The following FAM135B variants were observed in gnomAD, a reference collection of about 807,000 sequenced individuals.
FAM135B encodes the protein family with sequence similarity 135 member B.
FAM135B carries 43 observed loss-of-function variants against 127.7 expected under a neutral mutation model. The observed-to-expected ratio is 0.34, with a 90% CI of 0.26 to 0.43. FAM135B has a LOEUF of 0.43. FAM135B is among the 20% of genes least tolerant of loss of function. FAM135B has a pLI of 1.00. For synonymous variants in FAM135B, 670 were observed against 665.1 expected, an observed-to-expected ratio of 1.01 and a Z score of -0.11; for missense variants, 1,558 against 1,725.6, an observed-to-expected ratio of 0.90 and a Z score of 1.72.
intron 1 of FAM135B, among the ~76,000 whole-genome samples, chr8:138,394,340 T>C (rs1409004673): frequency 6.6e-6 from 1 of 152,186 alleles, no homozygotes; most frequent in Non-Finnish European, 1.5e-5. Flanking sequence ...GGTCATGTGC[T>C]GTACCACATC....
chr8:138,226,099 C>A (rs1819404462), intron 7 of FAM135B, among the ~76,000 whole-genome samples: 1 of 150,840 alleles, frequency 6.6e-6, no homozygotes, highest in Non-Finnish European at 1.5e-5. Context: ...GAAAAATTAG[C>A]AGATAAAGTA....
Position 138,435,171 on chromosome 8 carries a change from G to T in FAM135B, c.-20+61500C>A, listed in dbSNP as rs191737533. Among the ~76,000 whole-genome samples the T allele has an allele frequency of 3.6e-3, 548 of 152,142 alleles. 2 individuals carry two copies. Among genetic ancestry groups the T allele is most frequent in the Non-Finnish European group, 5.7e-3 (388 of 67,992 alleles). Reference sequence around the variant, plus strand: ...AAATTAGCCAGACGTCGTGGCAGGCGCCTGTAATCCCAGCTATTTGGGAGG... The same window carrying T: ...AAATTAGCCAGACGTCGTGGCAGGCTCCTGTAATCCCAGCTATTTGGGAGG... On this transcript the variant is annotated intron_variant, in intron 1 of 19. Coordinates refer to ENST00000395297, the MANE Select transcript of FAM135B (RefSeq NM_015912.4).
At chr8:138,268,366 G>C (rs1823106614) in intron 3 of FAM135B, among the ~76,000 whole-genome samples, 1 of 152,172 alleles carries the variant, frequency 6.6e-6, no homozygotes, top group African/African-American at 2.4e-5. Context: ...TTGGCAAACA[G>C]ACCACAGGGC....
At chr8:138,487,942 T>A (rs1815047515) in intron 1 of FAM135B, among the ~76,000 whole-genome samples, 2 of 151,910 alleles carry the variant, frequency 1.3e-5, no homozygotes, top group African/African-American at 4.8e-5. Context: ...AGGCAGAGGT[T>A]GCAGTGAGCT....
At chr8:138,342,707 C>A (rs1405158875) in intron 2 of FAM135B, among the ~76,000 whole-genome samples, 1 of 152,208 alleles carries the variant, frequency 6.6e-6, no homozygotes, top group East Asian at 1.9e-4. Context: ...AGGCCCCCTC[C>A]AATGTCCAAG....
At chr8:138,431,418 C>G (rs1835181997) in intron 1 of FAM135B, among the ~76,000 whole-genome samples, 1 of 152,180 alleles carries the variant, frequency 6.6e-6, no homozygotes, top group Middle Eastern at 3.2e-3. Context: ...CGAGATAATG[C>G]TGATTCAAAT....
chr8:138,445,321 G>T lies in FAM135B; in HGVS notation c.-20+51350C>A, dbSNP rs549548232. 5.5e-3 allele frequency among the ~76,000 whole-genome samples: 838 copies of T among 152,286 alleles called. 5 individuals are homozygous for T. The highest frequency in any genetic ancestry group is 0.02 in the African/African-American group (812 of 41,556). On this transcript the variant is annotated intron_variant, in intron 1 of 19. Transcript: ENST00000395297. ...CATTTTATGAGGCCAGCATCATTCT[G>T]ATACCAAAGCCTGGCAGAGACACAA... is the stretch of plus-strand genomic sequence containing the variant.
At chr8:138,256,585 TGA>T (rs1822105151) in intron 5 of FAM135B, 102 bp downstream of exon 5, 3 of 920,928 alleles carry the variant, frequency 3.3e-6, no homozygotes, top group Non-Finnish European at 5.2e-6. Context: ...GATGCTGATC[TGA>T]GAGACGTTCT....
At chr8:138,199,435 C>T (rs186112976) in intron 7 of FAM135B, among the ~76,000 whole-genome samples, 1 of 152,312 alleles carries the variant, frequency 6.6e-6, no homozygotes, top group East Asian at 1.9e-4. Flanking sequence ...GGAGGAACTG[C>T]ATTGCATTGT....
intron 4 of FAM135B, among the ~76,000 whole-genome samples, chr8:138,260,107 T>C (rs1822431807): frequency 6.6e-6 from 1 of 152,188 alleles, no homozygotes; most frequent in Non-Finnish European, 1.5e-5. Context: ...TAGGGATACT[T>C]TACTGCCTCC....
intron 7 of FAM135B, among the ~76,000 whole-genome samples, chr8:138,210,128 G>A (rs1818026697): frequency 6.6e-6 from 1 of 152,188 alleles, no homozygotes; most frequent in African/African-American, 2.4e-5. Flanking sequence ...GAATAAGTAA[G>A]CTATCAGTCT....
rs1353674178 is a variant in FAM135B, at chr8:138,157,938, G to GA, written c.1259-4723dup. ...ACCAATGACTTTCTTCACAGAATTG[G>GA]AAAAAACTACTTTAAAGTTCATAGG... is the stretch of plus-strand genomic sequence containing the variant. On this transcript the variant is annotated intron_variant, in intron 12 of 19. Coordinates refer to ENST00000395297, the MANE Select transcript of FAM135B (RefSeq NM_015912.4). Among the ~76,000 whole-genome samples, 10 of 152,234 alleles carry GA rather than the reference G, an allele frequency of 6.6e-5. 1 individual carries two copies. The highest frequency in any genetic ancestry group is 3.9e-4 in the Admixed American group (6 of 15,300).
intron 2 of FAM135B, among the ~76,000 whole-genome samples, chr8:138,357,786 C>T (rs1830182082): frequency 1.3e-5 from 2 of 152,086 alleles, no homozygotes; most frequent in African/African-American, 4.8e-5. Flanking sequence ...ATTTTATTGA[C>T]TATATTTCCC....
intron 2 of FAM135B, among the ~76,000 whole-genome samples, chr8:138,326,270 A>G (rs1827792815): frequency 6.6e-6 from 1 of 152,242 alleles, no homozygotes; most frequent in Non-Finnish European, 1.5e-5. Flanking sequence ...TCATCCAGGG[A>G]GGTACCATTT....
At chr8:138,410,679 G>A (rs1422089409) in intron 1 of FAM135B, among the ~76,000 whole-genome samples, 1 of 152,180 alleles carries the variant, frequency 6.6e-6, no homozygotes, top group Non-Finnish European at 1.5e-5. Flanking sequence ...CTCATACACT[G>A]CTGGTGGAAA....
chr8:138,412,075 G>A (rs4909423), intron 1 of FAM135B, among the ~76,000 whole-genome samples: 10,572 of 152,164 alleles, frequency 0.069, 786 homozygotes, highest in East Asian at 0.26. Context: ...AGGGGCAGTC[G>A]GGAAGGAGGG....
At chr8:138,282,495 C>T (rs765924049) in intron 3 of FAM135B, among the ~76,000 whole-genome samples, 3 of 152,100 alleles carry the variant, frequency 2.0e-5, no homozygotes, top group Non-Finnish European at 2.9e-5. Flanking sequence ...AGAAAACAAA[C>T]AACCCAATTA....
chr8:138,146,089 T>A, intron 14 of FAM135B, 39 bp from the exon 15 acceptor site: 1 of 1,039,740 alleles, frequency 9.6e-7, no homozygotes, highest in Non-Finnish European at 1.5e-6. Context: ...GTCCCGTAGT[T>A]AGTCATATAA....
At chr8:138,319,308 T>C (rs1175536005) in intron 2 of FAM135B, among the ~76,000 whole-genome samples, 1 of 152,170 alleles carries the variant, frequency 6.6e-6, no homozygotes, top group African/African-American at 2.4e-5. Context: ...GGTTTCACCA[T>C]GTTGGCCAGA....
Sources: gnomAD v4.1 joint callset for allele counts (sites outside exome capture counted in the v4.1 genomes callset) on GRCh38, gnomAD v4.1.1 for gene constraint, MANE v1.5 for transcripts, NCBI Gene and HGNC (gene_info 2026-07-23, HGNC 2026-07-21) for gene names.